CDH8: variants seen among roughly 807,000 people sequenced by gnomAD.
CDH8 encodes the protein cadherin 8, also known as cadherin-8.
Under a neutral mutation model 68.1 loss-of-function variants are expected in CDH8, and 17 were observed. That is an observed-to-expected ratio of 0.25 (90% confidence interval 0.17 to 0.37). The LOEUF (loss-of-function observed/expected upper bound fraction) is 0.37, where lower values mean the gene tolerates loss of function less well. CDH8 is among the 10% of genes least tolerant of loss of function. The pLI, the probability that CDH8 is intolerant of heterozygous loss-of-function variation, is 1.00. For missense variants in CDH8, 763 were observed against 999.3 expected (o/e 0.76, Z 3.19); for synonymous variants, 372 against 365.1 (o/e 1.02, Z -0.21).
At chr16:61,820,417 A>C (rs563792073) in intron 6 of CDH8, among the ~76,000 whole-genome samples, 1 of 150,636 alleles carries the variant, frequency 6.6e-6, no homozygotes, top group South Asian at 2.1e-4. Flanking sequence ...TCAGGAAGCA[A>C]GAGTTCAAAC....
chr16:61,738,561 G>A (rs1959771599), intron 8 of CDH8, among the ~76,000 whole-genome samples: 1 of 152,070 alleles, frequency 6.6e-6, no homozygotes, highest in Middle Eastern at 3.2e-3. Flanking sequence ...TTTAATCTTA[G>A]ATCCTTTCTT....
intron 2 of CDH8, among the ~76,000 whole-genome samples, chr16:61,990,857 G>A (rs993443058): frequency 4.9e-5 from 7 of 141,424 alleles, no homozygotes; most frequent in Admixed American, 1.4e-4. Context: ...GGAACGAAGG[G>A]AGGGAGGGAG....
chr16:61,812,051 C>G (rs867069412), intron 7 of CDH8, among the ~76,000 whole-genome samples: 3 of 152,036 alleles, frequency 2.0e-5, no homozygotes, highest in Non-Finnish European at 4.4e-5. Context: ...TTATTAAGTG[C>G]TCTTTACACA....
rs541479408 is a variant in CDH8 at position 61,782,923 on chromosome 16, G to A, written c.1414+6423C>T. On this transcript the variant is annotated intron_variant, in intron 8 of 11. Transcript: ENST00000577390. ...AACAAACAGAAAGGACATCCACACC[G>A]AAAACCTATCTGTACATCACCATCA... Among the ~76,000 whole-genome samples the A allele has an allele frequency of 1.4e-4, 21 of 152,096 alleles. No homozygotes were observed. The South Asian group carries it at 2.3e-3, about 17-fold the overall frequency.
chr16:61,852,796 T>C (rs574363239), intron 4 of CDH8, among the ~76,000 whole-genome samples: 1 of 152,094 alleles, frequency 6.6e-6, no homozygotes, highest in East Asian at 1.9e-4. Context: ...TTATCCTCCC[T>C]GCTTCTTTTG....
chr16:61,825,578 A>T (rs1318257231), intron 4 of CDH8, among the ~76,000 whole-genome samples: 1 of 151,798 alleles, frequency 6.6e-6, no homozygotes, highest in Non-Finnish European at 1.5e-5. Flanking sequence ...GTAAATACAC[A>T]CATAGCTTGA....
At chr16:61,676,223 GA>G (rs149106485) in intron 10 of CDH8, among the ~76,000 whole-genome samples, 23,369 of 147,768 alleles carry the variant, frequency 0.16, 1,992 homozygotes, top group African/African-American at 0.21. Flanking sequence ...TTGCAAAAAA[GA>G]AAAAAATATA....
chr16:61,653,674 G>A lies in CDH8; in HGVS notation c.2334C>T (p.Asp778=). Residue 778 remains aspartate (D), a synonymous_variant, in exon 12 of 12, where the codon GAC becomes GAT. Transcript: ENST00000577390. ...CCAGTCTCTTAAAGCGGGGACCCCAGTCACTGAGGTAGTCAAAATTCTGGT... is the reference window on the plus strand; with the variant it reads ...CCAGTCTCTTAAAGCGGGGACCCCAATCACTGAGGTAGTCAAAATTCTGGT... ...DSDQNFDYLS[D]WGPRFKRLGE... The A allele has an allele frequency of 1.2e-6, 2 of 1,614,184 alleles. No individual in the cohort carries two copies. Among genetic ancestry groups the A allele is most frequent in the African/African-American group, 2.7e-5 (2 of 75,052 alleles).
At chr16:61,891,357 ATTG>A (rs1248048307) in intron 3 of CDH8, among the ~76,000 whole-genome samples, 12 of 96,276 alleles carry the variant, frequency 1.2e-4, no homozygotes, top group African/African-American at 4.7e-4. Flanking sequence ...TATTGTCATC[ATTG>A]TTTGCAAAGC....
intron 8 of CDH8, among the ~76,000 whole-genome samples, chr16:61,749,605 A>G (rs1294725627): frequency 6.6e-6 from 1 of 152,084 alleles, no homozygotes; most frequent in Admixed American, 6.6e-5. Context: ...TAAAGTCAAG[A>G]TAATACCTAT....
chr16:61,955,375 CCAA>C (rs1964969749), intron 2 of CDH8, among the ~76,000 whole-genome samples: 1 of 152,204 alleles, frequency 6.6e-6, no homozygotes, highest in Non-Finnish European at 1.5e-5. Context: ...CAAGCTGTAG[CCAA>C]TCCCGCTGTT....
At chr16:61,817,307 A>G (rs1386718044) in intron 7 of CDH8, among the ~76,000 whole-genome samples, 172 bp downstream of exon 7, 3 of 112,306 alleles carry the variant, frequency 2.7e-5, no homozygotes, top group African/African-American at 1.5e-4. Flanking sequence ...GTGTGCGTGT[A>G]CACACCACAC....
intron 8 of CDH8, among the ~76,000 whole-genome samples, chr16:61,751,695 G>T (rs1243624137): frequency 6.6e-6 from 1 of 151,978 alleles, no homozygotes; most frequent in Non-Finnish European, 1.5e-5. Flanking sequence ...ACTGCTTTTG[G>T]TGTCGCAGGA....
intron 2 of CDH8, among the ~76,000 whole-genome samples, chr16:61,909,964 G>A (rs1023163405): frequency 2.0e-5 from 3 of 152,090 alleles, no homozygotes; most frequent in African/African-American, 7.2e-5. Flanking sequence ...GCAGTTTTAC[G>A]GGTTTGGAAA....
chr16:61,882,027 T>C (rs1007737894), intron 3 of CDH8, among the ~76,000 whole-genome samples: 1 of 152,130 alleles, frequency 6.6e-6, no homozygotes, highest in Non-Finnish European at 1.5e-5. Context: ...TCAGGCAAAA[T>C]CTTAGAATTA....
intron 10 of CDH8, among the ~76,000 whole-genome samples, chr16:61,706,790 T>C (rs1964544301): frequency 6.6e-6 from 1 of 152,186 alleles, no homozygotes; most frequent in Non-Finnish European, 1.5e-5. Context: ...TGAAGTTCTA[T>C]ATTTAGCATA....
Position 61,894,391 on chromosome 16 carries a change from G to A in CDH8, c.547+6788C>T, listed in dbSNP as rs144547358. Among the ~76,000 whole-genome samples the A allele has an allele frequency of 2.8e-3, 425 of 152,212 alleles. 1 individual carries two copies. Among genetic ancestry groups the A allele is most frequent in the Non-Finnish European group, 4.2e-3 (287 of 68,010 alleles). Reference sequence around the variant, plus strand: ...ATATGATACTTTTACTAAAACCCACGATATTGGGACAGCTGCAGATTATTT... The same window carrying A: ...ATATGATACTTTTACTAAAACCCACAATATTGGGACAGCTGCAGATTATTT... On this transcript the variant is annotated intron_variant, in intron 3 of 11. Transcript: ENST00000577390.
chr16:61,697,826 G>C (rs1376733894), intron 10 of CDH8, among the ~76,000 whole-genome samples: 1 of 152,194 alleles, frequency 6.6e-6, no homozygotes, highest in East Asian at 1.9e-4. Context: ...ACTCTGTAGA[G>C]AGAATGTGCA....
chr16:61,679,935 TATC>T (rs1963982516), intron 10 of CDH8, among the ~76,000 whole-genome samples: 1 of 152,018 alleles, frequency 6.6e-6, no homozygotes, highest in South Asian at 2.1e-4. Context: ...ATTGTATGGA[TATC>T]CTTCTCCAAA....
Sources: gnomAD v4.1 joint callset for allele counts (sites outside exome capture counted in the v4.1 genomes callset) on GRCh38, gnomAD v4.1.1 for gene constraint, MANE v1.5 for transcripts, NCBI Gene and HGNC (gene_info 2026-07-23, HGNC 2026-07-21) for gene names.